LUC7L2: variants seen among roughly 807,000 people sequenced by gnomAD.
LUC7L2 encodes the protein LUC7 like 2, pre-mRNA splicing factor, also known as putative RNA-binding protein Luc7-like 2.
In LUC7L2, 25 loss-of-function variants were observed where a neutral mutation model predicts 52.8. The observed-to-expected ratio is 0.47, with a 90% CI of 0.34 to 0.66. LUC7L2 has a LOEUF of 0.66. Ranked by LOEUF, LUC7L2 falls within the 30% of genes least tolerant of loss-of-function variation. The probability of loss-of-function intolerance (pLI) is 0.01; values close to 1 mark genes in which losing one functional copy is unlikely to be tolerated. For missense variants in LUC7L2, 328 were observed against 497.8 expected (o/e 0.66, Z 3.25); for synonymous variants, 144 against 160.9 (o/e 0.89, Z 0.80).
chr7:139,344,962 C>G (rs1327194974), intron 1 of LUC7L2: 1 of 151,796 alleles, frequency 6.6e-6, no homozygotes, highest in East Asian at 1.9e-4. Context: ...ATCTGCCCGC[C>G]TCGGCCTCCC....
At chr7:139,375,711 C>A in intron 1 of LUC7L2, 1 of 766,038 alleles carries the variant, frequency 1.3e-6, no homozygotes, top group Non-Finnish European at 1.6e-6. Context: ...CTGCAAGTTG[C>A]TTAACCTCTC....
intron 4 of LUC7L2, 66 bp downstream of exon 4, chr7:139,402,313 T>C: frequency 7.1e-7 from 1 of 1,409,234 alleles, no homozygotes; most frequent in Non-Finnish European, 9.4e-7. Flanking sequence ...AAGTTTTTAT[T>C]TTGAAATAAT....
At position 139,405,643 on chromosome 7, in the gene LUC7L2, G is replaced by T; in HGVS notation, c.367-1G>T. On this transcript the variant is annotated splice_acceptor_variant, in intron 4 of 9. Coordinates refer to ENST00000354926, the MANE Select transcript of LUC7L2 (RefSeq NM_016019.5). LOFTEE classifies it high-confidence loss of function. The stretch of plus-strand genomic sequence containing the variant: ...TGATCTTCTTTTTTATTTCTTTTTA[G>T]GCAGAACGTGTTCATGAGTTAAATG... 1 of 1,587,436 alleles carries T rather than the reference G, an allele frequency of 6.3e-7. No homozygotes were observed. The highest frequency in any genetic ancestry group is 8.5e-7 in the Non-Finnish European group (1 of 1,171,900).
At chr7:139,350,777 G>T (rs1354000491) in intron 1 of LUC7L2, among the ~76,000 whole-genome samples, 1 of 151,586 alleles carries the variant, frequency 6.6e-6, no homozygotes, top group Non-Finnish European at 1.5e-5. Context: ...CTGGGTTCAA[G>T]TGATTCTCCT....
chr7:139,355,989 A>C (rs1464320855), upstream of LUC7L2, among the ~76,000 whole-genome samples: 7 of 152,288 alleles, frequency 4.6e-5, no homozygotes, highest in African/African-American at 1.4e-4. Context: ...GGAAGGTAAA[A>C]GGTTAGGTAG....
chr7:139,418,437 T>C (rs552972269), intron 9 of LUC7L2, among the ~76,000 whole-genome samples: 8 of 152,360 alleles, frequency 5.3e-5, no homozygotes, highest in South Asian at 4.1e-4. Context: ...GTAATTTCTG[T>C]GTAACGTAAG....
chr7:139,395,872 TC>T (rs1185015614), intron 2 of LUC7L2, among the ~76,000 whole-genome samples: 2 of 152,174 alleles, frequency 1.3e-5, no homozygotes, highest in Non-Finnish European at 2.9e-5. Flanking sequence ...GGTCTGGAAC[TC>T]CTGGGCTTAA....
At chr7:139,419,446 T>C (rs1415035602) in intron 9 of LUC7L2, among the ~76,000 whole-genome samples, 1 of 152,242 alleles carries the variant, frequency 6.6e-6, no homozygotes, top group Non-Finnish European at 1.5e-5. Context: ...TCTCACACTC[T>C]TGAAACTGAT....
intron 2 of LUC7L2, among the ~76,000 whole-genome samples, chr7:139,383,192 C>T (rs1028011928): frequency 1.0e-4 from 15 of 150,166 alleles, no homozygotes; most frequent in South Asian, 2.1e-4. Flanking sequence ...CTTGGCTCAC[C>T]GCAACCTCTG....
intron 2 of LUC7L2, among the ~76,000 whole-genome samples, chr7:139,376,633 A>T (rs559558712): frequency 1.3e-5 from 2 of 152,340 alleles, no homozygotes; most frequent in East Asian, 3.9e-4. Flanking sequence ...TCCTGCTAAT[A>T]ATGTAAAGCT....
At chr7:139,390,261 T>A (rs1017993325) in intron 2 of LUC7L2, among the ~76,000 whole-genome samples, 8 of 151,776 alleles carry the variant, frequency 5.3e-5, no homozygotes, top group Non-Finnish European at 1.0e-4. Context: ...TTTTTTTTTT[T>A]ATTTTTATTT....
chr7:139,360,403 G>A (rs1799808691), intron 1 of LUC7L2, 81 bp downstream of exon 1: 2 of 1,361,678 alleles, frequency 1.5e-6, no homozygotes, highest in African/African-American at 1.5e-5. Flanking sequence ...GCACCTGGGC[G>A]CGCGCGTGTG....
chr7:139,343,387 A>G (rs1040752908), intron 1 of LUC7L2, among the ~76,000 whole-genome samples: 3 of 152,244 alleles, frequency 2.0e-5, no homozygotes, highest in African/African-American at 7.2e-5. Flanking sequence ...CAGCATGGGC[A>G]ACATAGTGTA....
At chr7:139,364,219 G>A (rs878965902) in intron 1 of LUC7L2, among the ~76,000 whole-genome samples, 6 of 151,774 alleles carry the variant, frequency 4.0e-5, no homozygotes, top group Non-Finnish European at 7.4e-5. Flanking sequence ...TCCTGACCTC[G>A]GGTGATCCAC....
At chr7:139,402,838 T>TA (rs1454767376) in intron 4 of LUC7L2, among the ~76,000 whole-genome samples, 1 of 152,214 alleles carries the variant, frequency 6.6e-6, no homozygotes, top group Non-Finnish European at 1.5e-5. Flanking sequence ...CTCTGCAGTT[T>TA]AATCACATGT....
At chr7:139,383,071 G>A (rs779934308) in intron 2 of LUC7L2, among the ~76,000 whole-genome samples, 5 of 151,922 alleles carry the variant, frequency 3.3e-5, no homozygotes, top group East Asian at 1.9e-4. Context: ...GATTACAGGC[G>A]CATGCCACCA....
chr7:139,375,084 A>G (rs891006089), intron 1 of LUC7L2: 18 of 983,834 alleles, frequency 1.8e-5, no homozygotes, highest in Non-Finnish European at 6.0e-6. Flanking sequence ...CTTAGGGCTT[A>G]TCATTCTATA....
At chr7:139,367,680 C>T (rs1800235015) in intron 1 of LUC7L2, among the ~76,000 whole-genome samples, 1 of 152,148 alleles carries the variant, frequency 6.6e-6, no homozygotes, top group Non-Finnish European at 1.5e-5. Flanking sequence ...TATATATATA[C>T]CTAAGCCTGT....
chr7:139,386,319 C>T (rs188245626), intron 2 of LUC7L2, among the ~76,000 whole-genome samples: 3 of 151,478 alleles, frequency 2.0e-5, no homozygotes, highest in East Asian at 3.9e-4. Context: ...ATTCTTTATA[C>T]AGGCGATTAA....
Sources: gnomAD v4.1 joint callset for allele counts (sites outside exome capture counted in the v4.1 genomes callset) on GRCh38, gnomAD v4.1.1 for gene constraint, MANE v1.5 for transcripts, NCBI Gene and HGNC (gene_info 2026-07-23, HGNC 2026-07-21) for gene names.